Variants in MYCL observed in about 807,000 individuals in gnomAD.
MYCL encodes the protein MYCL proto-oncogene, bHLH transcription factor.
MYCL carries 11 observed loss-of-function variants against 31.0 expected under a neutral mutation model. The ratio of observed to expected loss-of-function variants is 0.35; its 90% CI spans 0.22 to 0.59. The LOEUF (loss-of-function observed/expected upper bound fraction) is 0.59. Among genes scored for constraint, MYCL ranks in the 20% least tolerant of loss-of-function variants. MYCL has a pLI of 0.79. For synonymous variants in MYCL, 208 were observed against 202.4 expected (o/e 1.03, Z -0.23); for missense variants, 427 against 486.1 (o/e 0.88, Z 1.14).
intron 1 of MYCL, chr1:39,898,895 G>C (rs868698383): frequency 1.0e-6 from 1 of 985,420 alleles, no homozygotes; most frequent in Non-Finnish European, 1.2e-6. Flanking sequence ...TGGGAGAAAA[G>C]TCTCCTCCTG....
chr1:39,900,423 G>T (rs913122300), intron 1 of MYCL: 4 of 990,896 alleles, frequency 4.0e-6, no homozygotes, highest in African/African-American at 3.5e-5. Flanking sequence ...AGTGGTAAGT[G>T]GTGGTGGGGA....
chr1:39,898,111 G>T, intron 1 of MYCL, 141 bp from the exon 2 acceptor site: 1 of 1,250,142 alleles, frequency 8.0e-7, no homozygotes, highest in Non-Finnish European at 1.1e-6. Context: ...ATCGAGGTGA[G>T]CAGAAAGCTG....
At position 39,897,191 on chromosome 1, in the gene MYCL, G is replaced by A. The variant is rs1468750543; in HGVS notation, c.*181C>T. 4.5e-6 allele frequency: 3 copies of A among 660,250 alleles called. No homozygotes were observed. The East Asian group carries it at 7.6e-5, about 17-fold the overall frequency. 40.9% of individuals were successfully genotyped at this position (660,250 alleles called of 1,614,324 possible). A position where few individuals can be genotyped will look rare whatever the true frequency, so the allele number is the denominator to read the frequency against. Reference sequence around the variant, plus strand: ...ATGAGTCAGGGAAGAGGGAGAGCTGGGTTTCAAGGTTTCCAAGAATGCAAG... The same window carrying A: ...ATGAGTCAGGGAAGAGGGAGAGCTGAGTTTCAAGGTTTCCAAGAATGCAAG... On this transcript the variant is annotated 3_prime_UTR_variant, in exon 2 of 2. Coordinates refer to ENST00000372816, the MANE Select transcript of MYCL (RefSeq NM_001033081.3). The surrounding 1 kb of genome is among the most constrained non-coding windows in gnomAD (Gnocchi z 4.3).
In MYCL at chr1:39,901,012, C is replaced by A. The variant is rs1352601666; in HGVS notation, c.423G>T (p.Ala141=). 3.4e-6 allele frequency: 5 copies of A among 1,490,318 alleles called. No individual in the cohort carries two copies. The highest frequency in any genetic ancestry group is 1.4e-5 in the African/African-American group (1 of 70,598). The allele number at this position is 1,490,318 out of a possible 1,614,324, so 92.3% of individuals were successfully genotyped here. Residue 141 remains alanine, a synonymous_variant, in exon 1 of 2, where the codon GCG becomes GCT. Transcript: ENST00000372816. This position sits in a 1 kb window ranked among gnomAD's most constrained non-coding sequence, Gnocchi z 6.9. ...CTPSLEAGNP[A]PAAPCPLGEP... ...CGCCCAGCGGACAGGGGGCGGCGGG[C>A]GCCGGGTTGCCGGCTTCGAGGCTGG...
chr1:39,900,927 G>T lies in MYCL; in HGVS notation c.496+12C>A. On this transcript the variant is annotated intron_variant, in intron 1 of 1. Coordinates refer to ENST00000372816, the MANE Select transcript of MYCL (RefSeq NM_001033081.3). The stretch of plus-strand genomic sequence containing the variant: ...GGTGGCCCCCTCTTGGATGGCTCGG[G>T]GAGGTCCTTACCCGAGTCGCTTGGG... 6.6e-7 allele frequency: 1 copy of T among 1,507,094 alleles called. No homozygotes were observed. The highest frequency in any genetic ancestry group is 1.4e-5 in the African/African-American group (1 of 70,194). The allele number at this position is 1,507,094 out of a possible 1,614,324, so 93.4% of individuals were successfully genotyped here. A position where few individuals can be genotyped will look rare whatever the true frequency, so the allele number is the denominator to read the frequency against.
At position 39,898,658 on chromosome 1, in the gene MYCL, C is replaced by CT. The variant is rs1206046987; in HGVS notation, c.497-689dup. ...TAGGTCGCCTGCCCCACCTCCTTCC[C>CT]TGGACTAGAAGGTTAGATTTGTAAT... On this transcript the variant is annotated intron_variant, in intron 1 of 1. Coordinates refer to ENST00000372816, the MANE Select transcript of MYCL (RefSeq NM_001033081.3). The CT allele has an allele frequency of 6.1e-6, 6 of 985,358 alleles. No homozygotes were observed. The East Asian group carries it at 5.7e-4, about 93-fold the overall frequency. 61.0% of individuals were successfully genotyped at this position (985,358 alleles called of 1,614,324 possible). A position where few individuals can be genotyped will look rare whatever the true frequency, so the allele number is the denominator to read the frequency against.
rs975355938 is a variant in MYCL, at chr1:39,897,689, C to T, written c.778G>A (p.Val260Ile). ...EDEEIVSPPP[V>I]ESEAAQSCHP... ...CAGGACTGGGCAGCCTCACTTTCTA[C>T]AGGTGGGGGACTCACAATCTCTTCA... Residue 260 changes from valine to isoleucine, a missense_variant, in exon 2 of 2, where the codon GTA (valine) becomes ATA (isoleucine). Physicochemically the swap from Val to Ile is conservative, Grantham distance 29 (BLOSUM62 3). Transcript: ENST00000372816. The surrounding 1 kb of genome is among the most constrained non-coding windows in gnomAD (Gnocchi z 4.3). The T allele has an allele frequency of 1.2e-6, 2 of 1,614,216 alleles. No homozygotes were observed. Among genetic ancestry groups the T allele is most frequent in the Non-Finnish European group, 1.7e-6 (2 of 1,180,044 alleles).
chr1:39,895,692 A>T lies in MYCL; in HGVS notation c.*1680T>A, dbSNP rs1158053279. 2 of 227,638 alleles carry T rather than the reference A, an allele frequency of 8.8e-6. No individual in the cohort carries two copies. The highest frequency in any genetic ancestry group is 4.4e-5 in the African/African-American group (2 of 45,016). The allele number at this position is 227,638 out of a possible 1,614,324, so 14.1% of individuals were successfully genotyped here. ...AACAGCAGCTTATAAAACACAAGCT[A>T]TTCAGTTGAGACATCAGTAACCTAC... On this transcript the variant is annotated 3_prime_UTR_variant, in exon 2 of 2. Coordinates refer to ENST00000372816, the MANE Select transcript of MYCL (RefSeq NM_001033081.3).
At chr1:39,900,242 C>T (rs1644523049) in intron 1 of MYCL, 1 of 985,540 alleles carries the variant, frequency 1.0e-6, no homozygotes, top group South Asian at 4.7e-5. Context: ...CACAAAGACC[C>T]CAAACATCAA....
At chr1:39,898,896 T>C (rs1644508002) in intron 1 of MYCL, 47 of 985,288 alleles carry the variant, frequency 4.8e-5, no homozygotes, top group Non-Finnish European at 5.5e-5. Context: ...GGGAGAAAAG[T>C]CTCCTCCTGC....
In MYCL at chr1:39,896,135, G is replaced by A. The variant is rs879554237; in HGVS notation, c.*1237C>T. On this transcript the variant is annotated 3_prime_UTR_variant, in exon 2 of 2. Transcript: ENST00000372816. ...AGCTGGGGTAAAATCCATCATGGTTGGCTAAGCATATCTCCTGGAGGCTCC... is the reference window on the plus strand; with the variant it reads ...AGCTGGGGTAAAATCCATCATGGTTAGCTAAGCATATCTCCTGGAGGCTCC... 4 of 207,826 alleles carry A rather than the reference G, an allele frequency of 1.9e-5. No homozygotes were observed. The highest frequency in any genetic ancestry group is 3.9e-5 in the Non-Finnish European group (4 of 101,966). 12.9% of individuals were successfully genotyped at this position (207,826 alleles called of 1,614,324 possible).
In MYCL at chr1:39,901,661, T is replaced by C; in HGVS notation, c.-227A>G. The stretch of plus-strand genomic sequence containing the variant: ...CGCGGACCCGACTGTGGGCAGCGAG[T>C]TCAAAGCAAACTTTGCCAGCGCCGC... On this transcript the variant is annotated 5_prime_UTR_variant, in exon 1 of 2. Transcript: ENST00000372816. This position sits in a 1 kb window ranked among gnomAD's most constrained non-coding sequence, Gnocchi z 6.9. 7 of 1,321,476 alleles carry C rather than the reference T, an allele frequency of 5.3e-6. No homozygotes were observed. The highest frequency in any genetic ancestry group is 6.7e-6 in the Non-Finnish European group (7 of 1,042,832). The allele number at this position is 1,321,476 out of a possible 1,614,324, so 81.9% of individuals were successfully genotyped here. A position where few individuals can be genotyped will look rare whatever the true frequency, so the allele number is the denominator to read the frequency against.
chr1:39,901,531 G>C lies in MYCL; in HGVS notation c.-97C>G, dbSNP rs1188412595. 2 of 1,508,064 alleles carry C rather than the reference G, an allele frequency of 1.3e-6. No homozygotes were observed. Among genetic ancestry groups the C allele is most frequent in the African/African-American group, 2.8e-5 (2 of 72,406 alleles). The allele number at this position is 1,508,064 out of a possible 1,614,324, so 93.4% of individuals were successfully genotyped here. On this transcript the variant is annotated 5_prime_UTR_variant, in exon 1 of 2. Transcript: ENST00000372816. The surrounding 1 kb of genome is among the most constrained non-coding windows in gnomAD (Gnocchi z 6.9). ...GTCCCTCGGCACAGTCGGCTGCCGG[G>C]CTCTCGTTCCTCCCCAACCCCACCA... is the stretch of plus-strand genomic sequence containing the variant.
intron 1 of MYCL, 49 bp from the exon 2 acceptor site, chr1:39,898,019 C>T: frequency 6.3e-7 from 1 of 1,577,214 alleles, no homozygotes; most frequent in South Asian, 1.2e-5. Flanking sequence ...ATGAGAAACA[C>T]AAACATAGAC....
chr1:39,900,939 C>T lies in MYCL; in HGVS notation c.496G>A (p.Glu166Lys). The change falls in exon 1 of 2, where the codon GAG becomes AAG. Residue 166 changes from glutamate to lysine, a missense_variant and splice_region_variant. Coordinates refer to ENST00000372816, the MANE Select transcript of MYCL (RefSeq NM_001033081.3). ...CSGSESPSDS[E>K]NEEIDVVTVE... Reference sequence around the variant, plus strand: ...TTGGATGGCTCGGGGAGGTCCTTACCCGAGTCGCTTGGGCTCTCGGACCCG... The same window carrying T: ...TTGGATGGCTCGGGGAGGTCCTTACTCGAGTCGCTTGGGCTCTCGGACCCG... 1 of 1,502,658 alleles carries T rather than the reference C, an allele frequency of 6.7e-7. No homozygotes were observed. The highest frequency in any genetic ancestry group is 8.9e-7 in the Non-Finnish European group (1 of 1,126,912). The allele number at this position is 1,502,658 out of a possible 1,614,324, so 93.1% of individuals were successfully genotyped here.
At chr1:39,898,599 G>T in intron 1 of MYCL, 1 of 964,644 alleles carries the variant, frequency 1.0e-6, no homozygotes. Context: ...TTTGCTCCTG[G>T]GTTCAATGGG....
chr1:39,898,779 C>T (rs1355176119), intron 1 of MYCL: 1 of 985,366 alleles, frequency 1.0e-6, no homozygotes, highest in East Asian at 1.1e-4. Context: ...CAGAATGTCC[C>T]AGATATGGGG....
rs760861994 is a variant in MYCL, at chr1:39,901,367, G to A, written c.68C>T (p.Thr23Met). 1 of 1,612,000 alleles carries A rather than the reference G, an allele frequency of 6.2e-7. No individual in the cohort carries two copies. Among genetic ancestry groups the A allele is most frequent in the Admixed American group, 1.7e-5 (1 of 59,788 alleles). ...YDCGEDFYRS[T>M]APSEDIWKKF... Reference sequence around the variant, plus strand: ...CTTCCAGATGTCCTCGCTGGGCGCCGTGGAGCGGTAGAAATCCTCCCCGCA... The same window carrying A: ...CTTCCAGATGTCCTCGCTGGGCGCCATGGAGCGGTAGAAATCCTCCCCGCA... Residue 23 changes from threonine (T) to methionine (M), a missense_variant, in exon 1 of 2, where the codon ACG (threonine) becomes ATG (methionine). By Grantham distance (81) the Thr-to-Met change is moderately conservative. Coordinates refer to ENST00000372816, the MANE Select transcript of MYCL (RefSeq NM_001033081.3). The surrounding 1 kb of genome is among the most constrained non-coding windows in gnomAD (Gnocchi z 6.9).
Position 39,896,419 on chromosome 1 carries a change from G to A in MYCL, c.*953C>T, listed in dbSNP as rs559966776. 1.9e-4 allele frequency: 39 copies of A among 207,504 alleles called. No individual in the cohort carries two copies. Among genetic ancestry groups the A allele is most frequent in the Admixed American group, 4.7e-4 (8 of 16,882 alleles). The allele number at this position is 207,504 out of a possible 1,614,324, so 12.9% of individuals were successfully genotyped here. A position where few individuals can be genotyped will look rare whatever the true frequency, so the allele number is the denominator to read the frequency against. On this transcript the variant is annotated 3_prime_UTR_variant, in exon 2 of 2. Coordinates refer to ENST00000372816, the MANE Select transcript of MYCL (RefSeq NM_001033081.3). ...CAGGTGGGAAAGAGGCAGCAGTACA[G>A]TTCTCCCTCTGAGGTGTCTTACACC...
Sources: gnomAD v4.1 joint callset for allele counts on GRCh38, gnomAD v4.1.1 for gene constraint, Gnocchi (gnomAD v3.1) non-coding constraint, MANE v1.5 for transcripts, NCBI Gene and HGNC (gene_info 2026-07-23, HGNC 2026-07-21) for gene names.